Variants in RAB3GAP2 observed in about 807,000 individuals in gnomAD.
RAB3GAP2 encodes the protein rab3 GTPase-activating protein non-catalytic subunit.
Under a neutral mutation model 185.3 loss-of-function variants are expected in RAB3GAP2, and 87 were observed. The observed-to-expected ratio is 0.47, with a 90% confidence interval of 0.39 to 0.56. The LOEUF is 0.56. Among genes scored for constraint, RAB3GAP2 ranks in the 20% least tolerant of loss-of-function variants. The pLI is 0.00. For synonymous variants in RAB3GAP2, 554 were observed against 576.1 expected, an observed-to-expected ratio of 0.96 and a Z score of 0.55; for missense variants, 1,492 against 1,638.2, an observed-to-expected ratio of 0.91 and a Z score of 1.54.
In RAB3GAP2 at chr1:220,190,428, G is replaced by A. The variant is rs149563712; in HGVS notation, c.1580C>T (p.Pro527Leu). The A allele has an allele frequency of 2.1e-4, 346 of 1,614,020 alleles. 1 individual carries two copies. The Middle Eastern group carries it at 2.8e-3, about 13-fold the overall frequency. Residue 527 changes from proline (P) to leucine (L), a missense_variant, in exon 15 of 35, where the codon CCA (proline) becomes CTA (leucine). Pro to Leu is a moderately conservative substitution (Grantham distance 98). This residue lies in a region of RAB3GAP2 where 681 missense variants were observed against 689.1 expected (regional missense o/e 0.99). Transcript: ENST00000358951. The part of the protein sequence containing the change: ...PQTYQICLVD[P>L]VSGSVKTVNV... ...CACTGTTTTCACACTTCCAGACACT[G>A]GATCAACCAGACAGATCTGATAAGT...
chr1:220,174,598 T>G (rs894144146), intron 21 of RAB3GAP2, among the ~76,000 whole-genome samples: 1 of 152,212 alleles, frequency 6.6e-6, no homozygotes, highest in Non-Finnish European at 1.5e-5. Flanking sequence ...AGTCACCCTG[T>G]TGTGCTATCA....
chr1:220,153,733 T>C, intron 32 of RAB3GAP2: 1 of 479,624 alleles, frequency 2.1e-6, no homozygotes, highest in Non-Finnish European at 3.7e-6. Context: ...GTATATCTCC[T>C]AATGCTATCC....
intron 1 of RAB3GAP2, among the ~76,000 whole-genome samples, chr1:220,239,386 A>G (rs2102895391): frequency 1.3e-5 from 2 of 152,130 alleles, no homozygotes; most frequent in Middle Eastern, 3.4e-3. Flanking sequence ...ATATGCCACC[A>G]TGTCCGGCAA....
chr1:220,200,525 C>A (rs369299442), intron 9 of RAB3GAP2: 18 of 522,128 alleles, frequency 3.4e-5, no homozygotes, highest in African/African-American at 2.9e-4. Context: ...CATACAATAA[C>A]GTTTATTGTA....
intron 3 of RAB3GAP2, among the ~76,000 whole-genome samples, chr1:220,213,478 A>G (rs572753478): frequency 1.3e-5 from 2 of 152,102 alleles, no homozygotes; most frequent in African/African-American, 2.4e-5. Flanking sequence ...ACAGAAATCC[A>G]TAATATTATG....
At chr1:220,271,133 G>C (rs1323440707) in intron 1 of RAB3GAP2, 1 of 152,248 alleles carries the variant, frequency 6.6e-6, no homozygotes. Flanking sequence ...TAAACCAGAA[G>C]TTCCTACAGC....
intron 12 of RAB3GAP2, among the ~76,000 whole-genome samples, chr1:220,193,965 T>TA (rs1275020579): frequency 6.6e-6 from 1 of 152,164 alleles, no homozygotes; most frequent in East Asian, 1.9e-4. Context: ...CAACCTTTGT[T>TA]ACATCTATTA....
Position 220,190,164 on chromosome 1 carries a change from A to T in RAB3GAP2, c.1632-18T>A, listed in dbSNP as rs1302013888. 3.2e-6 allele frequency: 5 copies of T among 1,583,742 alleles called. No individual in the cohort carries two copies. Among genetic ancestry groups the T allele is most frequent in the Non-Finnish European group, 4.3e-6 (5 of 1,152,806 alleles). On this transcript the variant is annotated intron_variant, in intron 15 of 34. Transcript: ENST00000358951. Reference sequence around the variant, plus strand: ...TCTTATCACTAAACCAATAAATATAACAAATTATTACAGAATGTGAAATTA... The same window carrying T: ...TCTTATCACTAAACCAATAAATATATCAAATTATTACAGAATGTGAAATTA...
chr1:220,272,380 C>T lies in RAB3GAP2; in HGVS notation c.-43G>A. 1 of 1,418,188 alleles carries T rather than the reference C, an allele frequency of 7.1e-7. No homozygotes were observed. The highest frequency in any genetic ancestry group is 9.8e-7 in the Non-Finnish European group (1 of 1,017,390). 87.9% of individuals were successfully genotyped at this position (1,418,188 alleles called of 1,614,324 possible). On this transcript the variant is annotated 5_prime_UTR_variant, in exon 1 of 35. The change creates a new upstream start codon in the 5' untranslated region. Coordinates refer to ENST00000358951, the MANE Select transcript of RAB3GAP2 (RefSeq NM_012414.4). ...CTACGGCACTCACCTTACCTCACCA[C>T]GCCCTGCCCCCTCCACCCCACTGCG...
intron 1 of RAB3GAP2, chr1:220,266,938 G>C: frequency 2.5e-6 from 4 of 1,594,466 alleles, no homozygotes; most frequent in Non-Finnish European, 3.4e-6. Flanking sequence ...CTCAAAAGGA[G>C]GCTTCCCAAC....
At chr1:220,264,496 G>C (rs1477507392) in intron 1 of RAB3GAP2, among the ~76,000 whole-genome samples, 2 of 151,962 alleles carry the variant, frequency 1.3e-5, no homozygotes, top group Non-Finnish European at 2.9e-5. Context: ...ACTTTCACAG[G>C]TACATGTGGA....
Position 220,258,359 on chromosome 1 carries a change from C to T in RAB3GAP2, c.115+13864G>A, listed in dbSNP as rs574197005. ...CAATAAAATATTGGCAAATTGAATC[C>T]AGCATCACCTCAAAATGCTTATCTA... On this transcript the variant is annotated intron_variant, in intron 1 of 34. Transcript: ENST00000358951. 2.6e-5 allele frequency among the ~76,000 whole-genome samples: 4 copies of T among 152,236 alleles called. No homozygotes were observed. The South Asian group carries it at 8.3e-4, about 32-fold the overall frequency.
chr1:220,165,647 G>A (rs549877405), intron 26 of RAB3GAP2, among the ~76,000 whole-genome samples: 23 of 152,074 alleles, frequency 1.5e-4, no homozygotes, highest in African/African-American at 5.3e-4. Context: ...TATTTAATGG[G>A]AAAAACAAAC....
intron 7 of RAB3GAP2, among the ~76,000 whole-genome samples, chr1:220,210,122 T>C (rs1368129444): frequency 6.6e-6 from 1 of 152,210 alleles, no homozygotes; most frequent in Non-Finnish European, 1.5e-5. Flanking sequence ...TATTAAATTC[T>C]AAAAATAAGA....
At position 220,158,940 on chromosome 1, in the gene RAB3GAP2, A is replaced by C. The variant is rs570734160; in HGVS notation, c.3261+446T>G. Among the ~76,000 whole-genome samples the C allele has an allele frequency of 6.6e-6, 1 of 152,292 alleles. No individual in the cohort carries two copies. Among genetic ancestry groups the C allele is most frequent in the South Asian group, 2.1e-4 (1 of 4,822 alleles). On this transcript the variant is annotated intron_variant, in intron 29 of 34. Transcript: ENST00000358951. The surrounding 1 kb of genome is among the most constrained non-coding windows in gnomAD (Gnocchi z 4.3). Reference sequence around the variant, plus strand: ...CTATTAATTTCTTGGGTCAAATACAAGTCCCATATCCATGGATTAGAATAT... The same window carrying C: ...CTATTAATTTCTTGGGTCAAATACACGTCCCATATCCATGGATTAGAATAT...
intron 27 of RAB3GAP2, among the ~76,000 whole-genome samples, chr1:220,164,328 C>T (rs1260029164): frequency 6.6e-6 from 1 of 151,978 alleles, no homozygotes; most frequent in Non-Finnish European, 1.5e-5. Context: ...GAACAGCTGC[C>T]TTCATTACAC....
In RAB3GAP2 at chr1:220,216,934, T is replaced by A. The variant is rs138540794; in HGVS notation, c.181-2955A>T. Among the ~76,000 whole-genome samples the A allele has an allele frequency of 3.9e-3, 597 of 152,244 alleles. 2 individuals are homozygous for A. Among genetic ancestry groups the A allele is most frequent in the Non-Finnish European group, 6.3e-3 (426 of 68,014 alleles). ...ATTGTTCCTATGTTTCTGTCCCATG[T>A]TTTCAAAATAATGCCACTAACAAGG... On this transcript the variant is annotated intron_variant, in intron 2 of 34. Transcript: ENST00000358951.
chr1:220,157,361 A>G lies in RAB3GAP2; in HGVS notation c.3464T>C (p.Val1155Ala), dbSNP rs1303956051. The G allele has an allele frequency of 6.2e-7, 1 of 1,613,824 alleles. No individual in the cohort carries two copies. The highest frequency in any genetic ancestry group is 1.7e-5 in the Admixed American group (1 of 59,934). Residue 1155 changes from valine (V) to alanine (A), a missense_variant, in exon 31 of 35, where the codon GTG (valine) becomes GCG (alanine). Around this residue, in one of 5 missense-constraint regions of RAB3GAP2, gnomAD observed 387 missense variants for 455.3 expected, o/e 0.85. Coordinates refer to ENST00000358951, the MANE Select transcript of RAB3GAP2 (RefSeq NM_012414.4). The part of the protein sequence containing the change: ...LEQKHIHYPL[V>A]EHHSILCSIL... Reference sequence around the variant, plus strand: ...GGAGCACAGGATGGAGTGGTGCTCCACCAGTGGGTAGTGGATGTGCTTCTG... The same window carrying G: ...GGAGCACAGGATGGAGTGGTGCTCCGCCAGTGGGTAGTGGATGTGCTTCTG...
intron 21 of RAB3GAP2, among the ~76,000 whole-genome samples, chr1:220,180,366 T>TA (rs1658378827): frequency 6.6e-6 from 1 of 151,886 alleles, no homozygotes; most frequent in East Asian, 1.9e-4. Context: ...TTGTTTTTAT[T>TA]AAAAAAGATA....
Sources: allele counts gnomAD v4.1 joint callset (sites outside exome capture counted in the v4.1 genomes callset), GRCh38; gene constraint gnomAD v4.1.1; regional missense constraint gnomAD v4.1.1; non-coding constraint Gnocchi (gnomAD v3.1); transcripts MANE v1.5; gene names NCBI Gene and HGNC (gene_info 2026-07-23, HGNC 2026-07-21).